The following RGS21 variants were observed in gnomAD, a reference collection of about 807,000 sequenced individuals.
RGS21 encodes the protein regulator of G protein signaling 21, also known as regulator of G-protein signalling 21.
RGS21 carries 19 observed loss-of-function variants against 18.7 expected under a neutral mutation model. That is an observed-to-expected ratio of 1.01 (90% confidence interval 0.71 to 1.49). RGS21 has a LOEUF of 1.49. Ranked by LOEUF, RGS21 falls within the 40% of genes most tolerant of loss-of-function variation. RGS21 has a pLI of 0.00. For missense variants in RGS21, 194 were observed against 176.8 expected (o/e 1.10, Z -0.55); for synonymous variants, 56 against 57.8 (o/e 0.97, Z 0.14).
chr1:192,355,133 G>C (rs143523832), intron 4 of RGS21, among the ~76,000 whole-genome samples: 1 of 151,512 alleles, frequency 6.6e-6, no homozygotes, highest in South Asian at 2.1e-4. Flanking sequence ...TCTAGACCTG[G>C]GTTCAAATCC....
intron 3 of RGS21, among the ~76,000 whole-genome samples, chr1:192,349,299 G>C (rs895267240): frequency 3.9e-5 from 6 of 152,162 alleles, no homozygotes; most frequent in Non-Finnish European, 8.8e-5. Context: ...AAATAGAAAA[G>C]TCATATACAT....
intron 1 of RGS21, among the ~76,000 whole-genome samples, chr1:192,340,048 A>C (rs1342685301): frequency 2.0e-5 from 3 of 152,096 alleles, no homozygotes; most frequent in Admixed American, 2.0e-4. Context: ...TATTCCACAC[A>C]TACTCTCATC....
chr1:192,360,350 T>C (rs1417482607), intron 4 of RGS21, among the ~76,000 whole-genome samples: 1 of 152,118 alleles, frequency 6.6e-6, no homozygotes, highest in African/African-American at 2.4e-5. Context: ...ATCTCTTTCT[T>C]TAGACTATTT....
intron 4 of RGS21, among the ~76,000 whole-genome samples, chr1:192,360,010 C>T (rs1659165331): frequency 6.6e-6 from 1 of 151,868 alleles, no homozygotes; most frequent in Non-Finnish European, 1.5e-5. Context: ...TTCTCCCCTA[C>T]TGATTGCCCT....
intron 1 of RGS21, among the ~76,000 whole-genome samples, chr1:192,338,189 T>C (rs1055510785): frequency 1.3e-5 from 2 of 152,136 alleles, no homozygotes; most frequent in African/African-American, 4.8e-5. Flanking sequence ...ACTTCTCCAT[T>C]AGAACCGCTC....
intron 4 of RGS21, among the ~76,000 whole-genome samples, chr1:192,362,174 GTTTAACT>G (rs1659195912): frequency 6.6e-6 from 1 of 152,056 alleles, no homozygotes. Flanking sequence ...ACACTGAGAT[GTTTAACT>G]TTTATGTTAT....
intron 1 of RGS21, among the ~76,000 whole-genome samples, chr1:192,331,132 T>A (rs1036549672): frequency 1.3e-5 from 2 of 152,222 alleles, no homozygotes; most frequent in East Asian, 1.9e-4. Context: ...GAATAAATAA[T>A]AGCTCTACAT....
intron 1 of RGS21, among the ~76,000 whole-genome samples, chr1:192,319,888 G>C (rs1658471786): frequency 6.6e-6 from 1 of 152,036 alleles, no homozygotes; most frequent in African/African-American, 2.4e-5. Flanking sequence ...CCATGCCTCT[G>C]TTTCTTCATC....
chr1:192,361,178 CATATT>C (rs1659182499), intron 4 of RGS21, among the ~76,000 whole-genome samples: 1 of 151,900 alleles, frequency 6.6e-6, no homozygotes, highest in African/African-American at 2.4e-5. Context: ...ATTAAAATAA[CATATT>C]ATTTACAGTT....
At chr1:192,332,869 A>G (rs747374200) in intron 1 of RGS21, among the ~76,000 whole-genome samples, 2 of 152,090 alleles carry the variant, frequency 1.3e-5, no homozygotes, top group Non-Finnish European at 2.9e-5. Context: ...AGTGAGCTAC[A>G]GTCATGCCAC....
intron 1 of RGS21, among the ~76,000 whole-genome samples, 153 bp from the exon 2 acceptor site, chr1:192,342,824 T>C (rs541047158): frequency 7.9e-5 from 12 of 152,240 alleles, no homozygotes; most frequent in African/African-American, 2.9e-4. Flanking sequence ...GAGTTATTTA[T>C]TACTTAGAAG....
intron 4 of RGS21, among the ~76,000 whole-genome samples, chr1:192,362,886 T>G (rs182827408): frequency 6.6e-6 from 1 of 152,216 alleles, no homozygotes; most frequent in Non-Finnish European, 1.5e-5. Context: ...GTTCTTACAG[T>G]GTGCAAGGCA....
chr1:192,318,308 T>C (rs1658447707), intron 1 of RGS21, among the ~76,000 whole-genome samples: 1 of 152,108 alleles, frequency 6.6e-6, no homozygotes, highest in Admixed American at 6.6e-5. Context: ...ACACTATTAA[T>C]TACTTCTGCT....
chr1:192,361,179 A>T (rs1398504551), intron 4 of RGS21, among the ~76,000 whole-genome samples: 3 of 151,996 alleles, frequency 2.0e-5, no homozygotes, highest in East Asian at 3.9e-4. Context: ...TTAAAATAAC[A>T]TATTATTTAC....
chr1:192,353,797 C>T (rs1294513572), intron 4 of RGS21, among the ~76,000 whole-genome samples: 3 of 151,476 alleles, frequency 2.0e-5, no homozygotes, highest in Non-Finnish European at 4.4e-5. Flanking sequence ...AACTTCACAG[C>T]TTTTTATAGA....
In RGS21 at chr1:192,364,604, C is replaced by T. The variant is rs181946155; in HGVS notation, c.256-1317C>T. Among the ~76,000 whole-genome samples, 275 of 152,172 alleles carry T rather than the reference C, an allele frequency of 1.8e-3. 3 individuals are homozygous for T. Among genetic ancestry groups the T allele is most frequent in the Admixed American group, 0.016 (239 of 15,264 alleles). On this transcript the variant is annotated intron_variant, in intron 4 of 4. Transcript: ENST00000417209. ...GGAATTTGATTGCAGGTGTCTGTGC[C>T]TATTGTTTAACCTCAATTTAGTGCA...
At chr1:192,361,279 C>T (rs1659184258) in intron 4 of RGS21, among the ~76,000 whole-genome samples, 1 of 151,912 alleles carries the variant, frequency 6.6e-6, no homozygotes, top group South Asian at 2.1e-4. Flanking sequence ...AAGACAAAAT[C>T]ACTAAGGAAA....
Position 192,352,046 on chromosome 1 carries a change from G to A in RGS21, c.89-1G>A, listed in dbSNP as rs1659049717. On this transcript the variant is annotated splice_acceptor_variant, in intron 3 of 4. Transcript: ENST00000417209. LOFTEE classifies it high-confidence loss of function. ...AAAACTTTTTCTCATATATTTTATA[G>A]CTGGTCTAGATGCTTTTCGAATATT... The A allele has an allele frequency of 1.3e-6, 2 of 1,567,454 alleles. No homozygotes were observed. Among genetic ancestry groups the A allele is most frequent in the Admixed American group, 2.0e-5 (1 of 51,086 alleles).
intron 1 of RGS21, among the ~76,000 whole-genome samples, chr1:192,332,149 G>T (rs1394393360): frequency 2.0e-5 from 3 of 151,864 alleles, no homozygotes; most frequent in African/African-American, 7.3e-5. Context: ...AATGAAAGAA[G>T]AATTCCAAGA....
Sources: allele counts gnomAD v4.1 joint callset (sites outside exome capture counted in the v4.1 genomes callset), GRCh38; gene constraint gnomAD v4.1.1; transcripts MANE v1.5; gene names NCBI Gene and HGNC (gene_info 2026-07-23, HGNC 2026-07-21).